NT5E: variants seen among roughly 807,000 people sequenced by gnomAD.
NT5E encodes the protein 5'-nucleotidase.
Under a neutral mutation model 55.1 loss-of-function variants are expected in NT5E, and 53 were observed. The ratio of observed to expected loss-of-function variants is 0.96; its 90% CI spans 0.77 to 1.21. The LOEUF is 1.21. Ranked by LOEUF, NT5E falls within the 50% of genes most tolerant of loss-of-function variation. The pLI is 0.00. For synonymous variants in NT5E, 270 were observed against 278.4 expected, an observed-to-expected ratio of 0.97 and a Z score of 0.30; for missense variants, 683 against 724.3, an observed-to-expected ratio of 0.94 and a Z score of 0.65.
chr6:85,474,760 T>C (rs1214076108), intron 3 of NT5E, among the ~76,000 whole-genome samples: 1 of 151,992 alleles, frequency 6.6e-6, no homozygotes, highest in African/African-American at 2.4e-5. Flanking sequence ...GAGACCCCCA[T>C]ATCTACAAAA....
intron 1 of NT5E, among the ~76,000 whole-genome samples, chr6:85,461,336 G>T (rs979332228): frequency 3.3e-5 from 5 of 152,156 alleles, no homozygotes; most frequent in Non-Finnish European, 7.4e-5. Flanking sequence ...AGTCTTTCTG[G>T]CCTGGAGTAC....
chr6:85,493,867 A>G lies in NT5E; in HGVS notation c.1588A>G (p.Thr530Ala), dbSNP rs34160251. 754 of 1,613,956 alleles carry G rather than the reference A, an allele frequency of 4.7e-4. 3 individuals carry two copies. In the African/African-American group the frequency reaches 9.1e-3, roughly 20 times the overall value. Residue 530 changes from threonine (T) to alanine (A), a missense_variant, in exon 9 of 9, where the codon ACA becomes GCA. Transcript: ENST00000257770. ...TGACCAAGATATCAACGTGGTTTCT[A>G]CATATATCTCCAAAATGAAAGTAAT... The part of the protein sequence containing the change: ...SGDQDINVVS[T>A]YISKMKVIYP...
chr6:85,483,903 G>GA (rs1276638166), intron 3 of NT5E, among the ~76,000 whole-genome samples: 1 of 152,198 alleles, frequency 6.6e-6, no homozygotes, highest in African/African-American at 2.4e-5. Flanking sequence ...GGGTAGTGGA[G>GA]AAAACATAAG....
At chr6:85,451,017 G>A (rs1582364430) in intron 1 of NT5E, among the ~76,000 whole-genome samples, 1 of 152,306 alleles carries the variant, frequency 6.6e-6, no homozygotes, top group Non-Finnish European at 1.5e-5. Flanking sequence ...TCACAGCTTT[G>A]GGGTAGATTC....
chr6:85,458,364 C>G (rs1028737916), intron 1 of NT5E, among the ~76,000 whole-genome samples: 1 of 152,228 alleles, frequency 6.6e-6, no homozygotes. Flanking sequence ...GGCCTCAGGC[C>G]TCTGCTTCCT....
At position 85,489,572 on chromosome 6, in the gene NT5E, C is replaced by T. The variant is rs560304015; in HGVS notation, c.1183C>T (p.Arg395Trp). ...SMCILNGGGI[R>W]SPIDERNNGT... ...GTGCATTTTAAATGGAGGTGGTATC[C>T]GGTCGCCCATTGATGAACGCAACAA... is the stretch of plus-strand genomic sequence containing the variant. Residue 395 changes from arginine to tryptophan, a missense_variant, in exon 6 of 9, where the codon CGG (arginine) becomes TGG (tryptophan). By Grantham distance (101) the Arg-to-Trp change is moderately radical (BLOSUM62 -3). Transcript: ENST00000257770. The T allele has an allele frequency of 1.9e-5, 31 of 1,613,472 alleles. No homozygotes were observed. Among genetic ancestry groups the T allele is most frequent in the Non-Finnish European group, 2.2e-5 (26 of 1,179,718 alleles).
Position 85,490,519 on chromosome 6 carries a change from TG to T in NT5E, c.1225del (p.Glu409ArgfsTer15). 1 of 1,614,218 alleles carries T rather than the reference TG, an allele frequency of 6.2e-7. No individual in the cohort carries two copies. Among genetic ancestry groups the T allele is most frequent in the South Asian group, 1.1e-5 (1 of 91,088 alleles). On this transcript the variant is annotated frameshift_variant, in exon 7 of 9. Coordinates refer to ENST00000257770, the MANE Select transcript of NT5E (RefSeq NM_002526.4). LOFTEE classifies it high-confidence loss of function. The stretch of plus-strand genomic sequence containing the variant: ...GTGACTACCCTCAGGCACAATTACC[TG>T]GGAGAACCTGGCTGCTGTATTGCCC... ...IDERNNGTIT[W>X]ENLAAVLPFG...
At chr6:85,457,629 G>A (rs1360763428) in intron 1 of NT5E, among the ~76,000 whole-genome samples, 1 of 152,124 alleles carries the variant, frequency 6.6e-6, no homozygotes, top group Non-Finnish European at 1.5e-5. Context: ...CAGGATGCTC[G>A]CGGGATGTTA....
chr6:85,464,913 G>T (rs967369299), intron 1 of NT5E, among the ~76,000 whole-genome samples: 3 of 152,172 alleles, frequency 2.0e-5, no homozygotes, highest in Non-Finnish European at 4.4e-5. Flanking sequence ...GTGGCATCCT[G>T]GGCCAAGACA....
intron 3 of NT5E, among the ~76,000 whole-genome samples, chr6:85,483,916 C>T (rs1224623928): frequency 1.3e-5 from 2 of 152,156 alleles, no homozygotes; most frequent in African/African-American, 2.4e-5. Flanking sequence ...AACATAAGCT[C>T]CAGTACCTCA....
rs1769301475 is a variant in NT5E, at chr6:85,471,320, A to AC, written c.646_647insC (p.Ile216ThrfsTer9). On this transcript the variant is annotated frameshift_variant, in exon 3 of 9. Transcript: ENST00000257770. LOFTEE classifies it high-confidence loss of function. ...AAAAACTCTAAATGTGAACAAAATTATTGCACTGGGACATTCGGGTTTTGA... is the reference window on the plus strand; with the variant it reads ...AAAAACTCTAAATGTGAACAAAATTACTTGCACTGGGACATTCGGGTTTTGA... 6.2e-7 allele frequency: 1 copy of AC among 1,613,006 alleles called. No individual in the cohort carries two copies.
chr6:85,450,403 G>A lies in NT5E; in HGVS notation c.264G>A (p.Gln88=). Residue 88 remains glutamine, a synonymous_variant, in exon 1 of 9, where the codon CAG becomes CAA. Coordinates refer to ENST00000257770, the MANE Select transcript of NT5E (RefSeq NM_002526.4). This position sits in a 1 kb window ranked among gnomAD's most constrained non-coding sequence, Gnocchi z 4.0. ...TGCTGGACGCCGGCGACCAGTACCA[G>A]GGCACTATCTGGTTCACCGTGTACA... ...VLLLDAGDQY[Q]GTIWFTVYKG... 6.2e-7 allele frequency: 1 copy of A among 1,602,720 alleles called. No homozygotes were observed. The highest frequency in any genetic ancestry group is 2.2e-5 in the East Asian group (1 of 44,468).
At chr6:85,472,414 A>G (rs1008699227) in intron 3 of NT5E, among the ~76,000 whole-genome samples, 4 of 152,226 alleles carry the variant, frequency 2.6e-5, no homozygotes, top group African/African-American at 9.6e-5. Flanking sequence ...ACTTTGGAGT[A>G]TTTTCAAATA....
intron 2 of NT5E, 54 bp from the exon 3 acceptor site, chr6:85,471,183 G>A (rs1769295926): frequency 1.6e-6 from 2 of 1,219,110 alleles, no homozygotes; most frequent in African/African-American, 1.5e-5. Flanking sequence ...TGTATATTAA[G>A]TAATATAATA....
At chr6:85,481,968 T>C (rs1033351104) in intron 3 of NT5E, among the ~76,000 whole-genome samples, 1 of 152,206 alleles carries the variant, frequency 6.6e-6, no homozygotes, top group African/African-American at 2.4e-5. Context: ...ACTAGCTTGC[T>C]TGAGGAAGTG....
chr6:85,494,059 C>A lies in NT5E; in HGVS notation c.*55C>A. ...AAACTGCATTTTTTCAAGTGAGATT[C>A]AAATCTGCCTTTTAGGACCTGGCTT... On this transcript the variant is annotated 3_prime_UTR_variant, in exon 9 of 9. Coordinates refer to ENST00000257770, the MANE Select transcript of NT5E (RefSeq NM_002526.4). The A allele has an allele frequency of 6.4e-7, 1 of 1,571,666 alleles. No individual in the cohort carries two copies. The highest frequency in any genetic ancestry group is 8.7e-7 in the Non-Finnish European group (1 of 1,144,394).
chr6:85,459,593 G>C (rs1223908780), intron 1 of NT5E, among the ~76,000 whole-genome samples: 1 of 152,054 alleles, frequency 6.6e-6, no homozygotes, highest in Non-Finnish European at 1.5e-5. Flanking sequence ...GCCTAGCCCA[G>C]CCCAGTATTT....
intron 1 of NT5E, among the ~76,000 whole-genome samples, chr6:85,453,096 C>T (rs1768920977): frequency 6.6e-6 from 1 of 152,062 alleles, no homozygotes; most frequent in Non-Finnish European, 1.5e-5. Context: ...TCCTGGAGAC[C>T]CCCTGGAACC....
intron 1 of NT5E, among the ~76,000 whole-genome samples, chr6:85,455,955 G>A (rs1768981490): frequency 6.6e-6 from 1 of 152,112 alleles, no homozygotes; most frequent in Admixed American, 6.5e-5. Flanking sequence ...GATGATCTAT[G>A]GCTGGGGGCC....
Sources: allele counts gnomAD v4.1 joint callset (sites outside exome capture counted in the v4.1 genomes callset), GRCh38; gene constraint gnomAD v4.1.1; non-coding constraint Gnocchi (gnomAD v3.1); transcripts MANE v1.5; gene names NCBI Gene and HGNC (gene_info 2026-07-23, HGNC 2026-07-21).